Variants in STK38L observed in about 807,000 individuals in gnomAD.
The protein encoded by STK38L is serine/threonine kinase 38 like.
In STK38L, 28 loss-of-function variants were observed where a neutral mutation model predicts 59.7. The observed-to-expected ratio is 0.47, with a 90% CI of 0.35 to 0.64. STK38L has a LOEUF of 0.64. Ranked by LOEUF, STK38L falls within the 30% of genes least tolerant of loss-of-function variation. The pLI is 0.01. For missense variants in STK38L, 314 were observed against 555.8 expected (o/e 0.56, Z 4.37); for synonymous variants, 162 against 176.8 (o/e 0.92, Z 0.66).
intron 1 of STK38L, among the ~76,000 whole-genome samples, chr12:27,282,555 G>A (rs904458196): frequency 5.3e-5 from 8 of 151,936 alleles, no homozygotes; most frequent in Non-Finnish European, 8.8e-5. Flanking sequence ...TTATCAAACT[G>A]ACAAAAATTA....
intron 1 of STK38L, among the ~76,000 whole-genome samples, chr12:27,287,128 T>G (rs1372333251): frequency 6.6e-6 from 1 of 151,478 alleles, no homozygotes; most frequent in African/African-American, 2.4e-5. Context: ...GAGATGGAGT[T>G]TCACTCTGTC....
intron 1 of STK38L, among the ~76,000 whole-genome samples, chr12:27,287,926 A>T (rs1373153956): frequency 6.6e-6 from 1 of 152,184 alleles, no homozygotes; most frequent in Admixed American, 6.5e-5. Flanking sequence ...TCTGTCATCC[A>T]GGCAGGAGCG....
chr12:27,300,315 G>A (rs1167761962), intron 2 of STK38L, among the ~76,000 whole-genome samples: 2 of 152,134 alleles, frequency 1.3e-5, no homozygotes, highest in Non-Finnish European at 2.9e-5. Context: ...AGCATTTTAG[G>A]TGGAAAACTA....
chr12:27,254,092 C>A (rs990479766), intron 1 of STK38L, among the ~76,000 whole-genome samples: 1 of 152,124 alleles, frequency 6.6e-6, no homozygotes, highest in Admixed American at 6.5e-5. Context: ...AAATCCTTTT[C>A]TTTGATGAAG....
intron 1 of STK38L, among the ~76,000 whole-genome samples, chr12:27,252,562 G>A (rs901567959): frequency 2.0e-5 from 3 of 152,220 alleles, no homozygotes; most frequent in African/African-American, 7.2e-5. Context: ...GGCAGCAGAG[G>A]CTGGTTGCTC....
At chr12:27,304,509 T>G (rs1322864997) in intron 3 of STK38L, among the ~76,000 whole-genome samples, 1 of 152,144 alleles carries the variant, frequency 6.6e-6, no homozygotes, top group Non-Finnish European at 1.5e-5. Context: ...TATCATTATT[T>G]ACATGTCATT....
Position 27,308,674 on chromosome 12 carries a change from C to T in STK38L, c.309+213C>T, listed in dbSNP as rs971804422. Among the ~76,000 whole-genome samples, 1 of 151,586 alleles carries T rather than the reference C, an allele frequency of 6.6e-6. No homozygotes were observed. Among genetic ancestry groups the T allele is most frequent in the African/African-American group, 2.4e-5 (1 of 41,268 alleles). On this transcript the variant is annotated intron_variant, in intron 4 of 13. Coordinates refer to ENST00000389032, the MANE Select transcript of STK38L (RefSeq NM_015000.4). This position sits in a 1 kb window ranked among gnomAD's most constrained non-coding sequence, Gnocchi z 4.5. ...GTCTCTATAAAAATACAAAAATTAGCTGGGCGTGGTGGTGGGCACCTGTAA... is the reference window on the plus strand; with the variant it reads ...GTCTCTATAAAAATACAAAAATTAGTTGGGCGTGGTGGTGGGCACCTGTAA...
chr12:27,286,053 ACTT>A (rs1263147136), intron 1 of STK38L, among the ~76,000 whole-genome samples: 4 of 152,030 alleles, frequency 2.6e-5, no homozygotes, highest in Admixed American at 6.6e-5. Flanking sequence ...TGACTGGAAA[ACTT>A]CTTCAAAATT....
chr12:27,321,758 T>C (rs4369500), intron 12 of STK38L, among the ~76,000 whole-genome samples: 47,169 of 152,012 alleles, frequency 0.31, 8,340 homozygotes, highest in African/African-American at 0.49. Flanking sequence ...ATAATAATTG[T>C]ACATTTTAAA....
At position 27,264,224 on chromosome 12, in the gene STK38L, A is replaced by G. The variant is rs117074920; in HGVS notation, c.-12+19892A>G. 5.9e-3 allele frequency among the ~76,000 whole-genome samples: 904 copies of G among 152,316 alleles called. 7 individuals are homozygous for G. Among genetic ancestry groups the G allele is most frequent in the African/African-American group, 7.2e-3 (299 of 41,574 alleles). On this transcript the variant is annotated intron_variant, in intron 1 of 13. Coordinates refer to ENST00000389032, the MANE Select transcript of STK38L (RefSeq NM_015000.4). ...TGACATCATACAAGTTCTATGAGCA[A>G]TGATTTCAGGATGGGAGAGAATGGC...
chr12:27,285,425 T>A (rs1364967484), intron 1 of STK38L, among the ~76,000 whole-genome samples: 2 of 152,218 alleles, frequency 1.3e-5, no homozygotes, highest in East Asian at 3.8e-4. Context: ...CAGTCTATTT[T>A]TCAAGTTTTG....
intron 1 of STK38L, among the ~76,000 whole-genome samples, chr12:27,293,013 G>GC (rs1943930869): frequency 6.6e-6 from 1 of 151,986 alleles, no homozygotes; most frequent in East Asian, 1.9e-4. Context: ...ATGCATAGGC[G>GC]CCACCATAGT....
chr12:27,291,791 A>G (rs1056517162), intron 1 of STK38L, among the ~76,000 whole-genome samples: 1 of 152,218 alleles, frequency 6.6e-6, no homozygotes, highest in Admixed American at 6.5e-5. Context: ...CTACAAGGCA[A>G]TATAGTAGCA....
chr12:27,300,112 A>G (rs575062459), intron 2 of STK38L, among the ~76,000 whole-genome samples: 3 of 152,318 alleles, frequency 2.0e-5, no homozygotes, highest in East Asian at 3.9e-4. Flanking sequence ...AATAAAGGAA[A>G]GTAACAATAA....
intron 10 of STK38L, 143 bp downstream of exon 10, chr12:27,317,596 T>C (rs55936271): frequency 0.13 from 100,533 of 757,936 alleles, 7,424 homozygotes; most frequent in Non-Finnish European, 0.15. Flanking sequence ...AAATACATAC[T>C]GATCAATACC....
rs537401176 is a variant in STK38L at position 27,298,003 on chromosome 12, A to G, written c.134+149A>G. The G allele has an allele frequency of 9.8e-5, 93 of 945,798 alleles. 1 individual carries two copies. In the Admixed American group the frequency reaches 2.3e-3, roughly 24 times the overall value. The allele number at this position is 945,798 out of a possible 1,614,324, so 58.6% of individuals were successfully genotyped here. A position where few individuals can be genotyped will look rare whatever the true frequency, so the allele number is the denominator to read the frequency against. ...TCCTGTACTGACAGTGCACATAGAC[A>G]TGTGTTTTATTTTCACAGAGTAGTT... is the stretch of plus-strand genomic sequence containing the variant. On this transcript the variant is annotated intron_variant, in intron 2 of 13. Transcript: ENST00000389032.
In STK38L at chr12:27,288,329, T is replaced by C. The variant is rs552351514; in HGVS notation, c.-11-9381T>C. Among the ~76,000 whole-genome samples the C allele has an allele frequency of 2.3e-4, 35 of 152,316 alleles. 1 individual carries two copies. Among genetic ancestry groups the C allele is most frequent in the African/African-American group, 8.4e-4 (35 of 41,590 alleles). On this transcript the variant is annotated intron_variant, in intron 1 of 13. Transcript: ENST00000389032. ...TTATTTTAAACTTTAAATTTCCCTA[T>C]TTAAAAAATCTTTCGTCTTACTTTT...
At chr12:27,281,705 G>C (rs988502630) in intron 1 of STK38L, among the ~76,000 whole-genome samples, 7 of 152,172 alleles carry the variant, frequency 4.6e-5, no homozygotes, top group Non-Finnish European at 1.0e-4. Flanking sequence ...TTGATTTCCA[G>C]ATAATCATGA....
intron 1 of STK38L, among the ~76,000 whole-genome samples, chr12:27,268,391 A>G (rs1374467240): frequency 6.6e-6 from 1 of 151,734 alleles, no homozygotes; most frequent in Admixed American, 6.6e-5. Flanking sequence ...TCCTTGCCAT[A>G]GTTTGCTGAG....
Sources: allele counts gnomAD v4.1 joint callset (sites outside exome capture counted in the v4.1 genomes callset), GRCh38; gene constraint gnomAD v4.1.1; non-coding constraint Gnocchi (gnomAD v3.1); transcripts MANE v1.5; gene names NCBI Gene and HGNC (gene_info 2026-07-23, HGNC 2026-07-21).